Variants in MAPKAP1 observed in about 807,000 individuals in gnomAD.
MAPKAP1 encodes target of rapamycin complex 2 subunit MAPKAP1.
Under a neutral mutation model 65.7 loss-of-function variants are expected in MAPKAP1, and 20 were observed. That is an observed-to-expected ratio of 0.30 (90% CI 0.21 to 0.44). MAPKAP1 has a LOEUF of 0.44. Among genes scored for constraint, MAPKAP1 ranks in the 20% least tolerant of loss-of-function variants. MAPKAP1 has a pLI of 1.00. For synonymous variants in MAPKAP1, 222 were observed against 244.3 expected, an observed-to-expected ratio of 0.91 and a Z score of 0.85; for missense variants, 423 against 648.0, an observed-to-expected ratio of 0.65 and a Z score of 3.77.
intron 1 of MAPKAP1, among the ~76,000 whole-genome samples, chr9:125,682,081 G>A (rs1345672241): frequency 2.0e-5 from 3 of 151,226 alleles, no homozygotes; most frequent in African/African-American, 7.3e-5. Context: ...GTTTTAACAG[G>A]AAAAAAAAAT....
Position 125,444,490 on chromosome 9 carries a change from G to T in MAPKAP1, c.1443+11C>A. 1 of 1,601,924 alleles carries T rather than the reference G, an allele frequency of 6.2e-7. No homozygotes were observed. The highest frequency in any genetic ancestry group is 8.5e-7 in the Non-Finnish European group (1 of 1,170,538). The stretch of plus-strand genomic sequence containing the variant: ...ACCTACCCTGTCTCTGGTTCAAGAA[G>T]GAATACTCACCTTGAGCACAATTTC... On this transcript the variant is annotated intron_variant, in intron 11 of 11. Coordinates refer to ENST00000265960, the MANE Select transcript of MAPKAP1 (RefSeq NM_001006617.3).
intron 4 of MAPKAP1, among the ~76,000 whole-genome samples, chr9:125,612,007 A>G (rs1832614059): frequency 6.6e-6 from 1 of 152,202 alleles, no homozygotes; most frequent in South Asian, 2.1e-4. Context: ...AAATATTTAC[A>G]CTATACTTAT....
Position 125,657,725 on chromosome 9 carries a change from A to G in MAPKAP1, c.424T>C (p.Leu142=). 10 of 1,614,040 alleles carry G rather than the reference A, an allele frequency of 6.2e-6. No individual in the cohort carries two copies. Among genetic ancestry groups the G allele is most frequent in the Non-Finnish European group, 8.5e-6 (10 of 1,179,896 alleles). The change falls in exon 4 of 12, where the codon TTA becomes CTA. Residue 142 remains leucine (L), a synonymous_variant. Coordinates refer to ENST00000265960, the MANE Select transcript of MAPKAP1 (RefSeq NM_001006617.3). ...GGGCACTGTTCTAGGCGTACAGATA[A>G]TATCGACTGCTTCCCAGAAATTGGA... The part of the protein sequence containing the change: ...KPPISGKQSI[L]SVRLEQCPLQ...
At chr9:125,547,052 A>G (rs1264793237) in intron 6 of MAPKAP1, among the ~76,000 whole-genome samples, 1 of 152,082 alleles carries the variant, frequency 6.6e-6, no homozygotes, top group African/African-American at 2.4e-5. Context: ...AGTCAATTCA[A>G]AGTTAGGTCC....
Position 125,521,420 on chromosome 9 carries a change from CA to C in MAPKAP1, c.959-15004del, listed in dbSNP as rs1426048403. On this transcript the variant is annotated intron_variant, in intron 7 of 11. Coordinates refer to ENST00000265960, the MANE Select transcript of MAPKAP1 (RefSeq NM_001006617.3). ...TTAACTTGAGTCACTGTGACAATAC[CA>C]AATTTTACATACAGTTATCTGTTGC... 1.8e-5 allele frequency: 19 copies of C among 1,056,730 alleles called. No homozygotes were observed. The East Asian group carries it at 1.0e-3, about 57-fold the overall frequency. 65.5% of individuals were successfully genotyped at this position (1,056,730 alleles called of 1,614,324 possible).
chr9:125,507,210 T>C (rs1421129298), intron 7 of MAPKAP1, among the ~76,000 whole-genome samples: 2 of 152,252 alleles, frequency 1.3e-5, no homozygotes, highest in Non-Finnish European at 2.9e-5. Context: ...CATTTATTCA[T>C]GTATTTCTTT....
Position 125,536,440 on chromosome 9 carries a change from TAG to T in MAPKAP1, c.958+6617_958+6618del, listed in dbSNP as rs533160098. On this transcript the variant is annotated intron_variant, in intron 7 of 11. Transcript: ENST00000265960. ...CATTTTCCCAATAGGTCACTGGATA[TAG>T]AGTGTCAGGTCTCTGTTTCCTATTC... 2.0e-5 allele frequency among the ~76,000 whole-genome samples: 3 copies of T among 152,362 alleles called. No homozygotes were observed. The East Asian group carries it at 5.8e-4, about 29-fold the overall frequency.
At chr9:125,689,187 C>CA (rs1835079802) in intron 1 of MAPKAP1, among the ~76,000 whole-genome samples, 1 of 152,112 alleles carries the variant, frequency 6.6e-6, no homozygotes, top group Non-Finnish European at 1.5e-5. Context: ...CCTGTAATCC[C>CA]AGCACTTTGG....
intron 1 of MAPKAP1, among the ~76,000 whole-genome samples, chr9:125,677,213 C>A (rs985307794): frequency 6.6e-6 from 1 of 151,898 alleles, no homozygotes; most frequent in African/African-American, 2.4e-5. Flanking sequence ...CCGAGGCGGG[C>A]GGATCACTTG....
At chr9:125,493,224 T>C (rs967021385) in intron 8 of MAPKAP1, among the ~76,000 whole-genome samples, 1 of 152,172 alleles carries the variant, frequency 6.6e-6, no homozygotes, top group Admixed American at 6.5e-5. Context: ...TATCTTGAAG[T>C]CTTATTGCTA....
intron 3 of MAPKAP1, among the ~76,000 whole-genome samples, chr9:125,660,762 G>A (rs962877340): frequency 2.0e-5 from 3 of 152,148 alleles, no homozygotes; most frequent in Non-Finnish European, 4.4e-5. Context: ...CGTGGCAACC[G>A]CTAGCAACGC....
intron 8 of MAPKAP1, 45 bp downstream of exon 8, chr9:125,506,265 G>C (rs1490529444): frequency 2.0e-6 from 3 of 1,529,302 alleles, no homozygotes; most frequent in East Asian, 2.2e-5. Context: ...TTCTAAGCAA[G>C]TTTGCAACGG....
intron 7 of MAPKAP1, among the ~76,000 whole-genome samples, chr9:125,528,568 G>A (rs953348703): frequency 2.8e-4 from 42 of 152,154 alleles, no homozygotes; most frequent in Non-Finnish European, 4.1e-4. Context: ...TGGAAGGACC[G>A]CCAGGCACAG....
At chr9:125,556,635 T>G (rs1830743216) in intron 6 of MAPKAP1, among the ~76,000 whole-genome samples, 1 of 152,164 alleles carries the variant, frequency 6.6e-6, no homozygotes, top group African/African-American at 2.4e-5. Context: ...CCACTTCTTG[T>G]CCCTCCTCTA....
chr9:125,617,956 C>T (rs575922566), intron 4 of MAPKAP1, among the ~76,000 whole-genome samples: 3 of 152,106 alleles, frequency 2.0e-5, no homozygotes, highest in South Asian at 2.1e-4. Context: ...TCTATGTCTA[C>T]TCAGTATTTA....
chr9:125,584,128 C>G (rs1483302306), intron 5 of MAPKAP1, among the ~76,000 whole-genome samples: 3 of 152,044 alleles, frequency 2.0e-5, no homozygotes, highest in African/African-American at 7.2e-5. Context: ...GACACCTTTT[C>G]CTGTTTCCTT....
In MAPKAP1 at chr9:125,595,725, G is replaced by GGTT; in HGVS notation, c.499-10001_499-9999dup. 3 of 1,541,918 alleles carry GGTT rather than the reference G, an allele frequency of 1.9e-6. No homozygotes were observed. The South Asian group carries it at 3.4e-5, about 17-fold the overall frequency. On this transcript the variant is annotated intron_variant, in intron 4 of 11. Coordinates refer to ENST00000265960, the MANE Select transcript of MAPKAP1 (RefSeq NM_001006617.3). This position sits in a 1 kb window ranked among gnomAD's most constrained non-coding sequence, Gnocchi z 4.0. ...CAGCTAAGGAATCTCTTCATTGGAG[G>GGTT]GTTGAGCTTTGAAACAACCAATGAG...
chr9:125,577,175 C>T (rs997771613), intron 5 of MAPKAP1, among the ~76,000 whole-genome samples: 5 of 151,796 alleles, frequency 3.3e-5, no homozygotes, highest in African/African-American at 4.8e-5. Flanking sequence ...CCTGCCGCCC[C>T]GTCCGGGATG....
chr9:125,460,321 G>T (rs1379412669), intron 10 of MAPKAP1, among the ~76,000 whole-genome samples: 1 of 151,192 alleles, frequency 6.6e-6, no homozygotes. Context: ...AAAAAAAAAA[G>T]TTGATACCCT....
Sources: allele counts gnomAD v4.1 joint callset (sites outside exome capture counted in the v4.1 genomes callset), GRCh38; gene constraint gnomAD v4.1.1; non-coding constraint Gnocchi (gnomAD v3.1); transcripts MANE v1.5; gene names NCBI Gene and HGNC (gene_info 2026-07-23, HGNC 2026-07-21).